DACH1: variants seen among roughly 807,000 people sequenced by gnomAD.
DACH1 encodes dachshund family transcription factor 1.
A neutral mutation model predicts 54.2 loss-of-function variants in DACH1; 12 were observed. The observed-to-expected ratio is 0.22, with a 90% CI of 0.14 to 0.36. The LOEUF is 0.36. DACH1 is among the 10% of genes least tolerant of loss of function. The pLI is 1.00. For missense variants in DACH1, 805 were observed against 929.8 expected, an observed-to-expected ratio of 0.87 and a Z score of 1.75; for synonymous variants, 386 against 366.2, an observed-to-expected ratio of 1.05 and a Z score of -0.62.
chr13:71,551,854 G>C (rs1207368017), intron 6 of DACH1, among the ~76,000 whole-genome samples: 2 of 151,946 alleles, frequency 1.3e-5, no homozygotes, highest in Non-Finnish European at 2.9e-5. Context: ...CTTTAGTGCT[G>C]TGTCCTTCAC....
intron 1 of DACH1, among the ~76,000 whole-genome samples, chr13:71,787,079 C>A (rs565616995): frequency 2.0e-5 from 3 of 152,110 alleles, no homozygotes; most frequent in Non-Finnish European, 2.9e-5. Context: ...TTCTTCAATG[C>A]GAACTACAAG....
At chr13:71,604,991 T>C (rs1031513537) in intron 3 of DACH1, among the ~76,000 whole-genome samples, 1 of 151,920 alleles carries the variant, frequency 6.6e-6, no homozygotes, top group African/African-American at 2.4e-5. Context: ...TCTATAAATG[T>C]ATACATGCAT....
chr13:71,714,329 TAAACAAAACA>T (rs200269145), intron 1 of DACH1, among the ~76,000 whole-genome samples: 32 of 151,724 alleles, frequency 2.1e-4, no homozygotes, highest in African/African-American at 2.7e-4. Context: ...CGGGGACAAT[TAAACAAAACA>T]AAACAAAACA....
intron 6 of DACH1, among the ~76,000 whole-genome samples, chr13:71,531,506 C>T (rs550419087): frequency 6.6e-6 from 1 of 151,866 alleles, no homozygotes; most frequent in Non-Finnish European, 1.5e-5. Flanking sequence ...ACTTTATAAT[C>T]TCATATGAGA....
intron 7 of DACH1, among the ~76,000 whole-genome samples, chr13:71,479,681 A>G (rs1369481151): frequency 1.3e-5 from 2 of 152,170 alleles, no homozygotes; most frequent in East Asian, 3.9e-4. Flanking sequence ...CTCCTCCACA[A>G]GTAATTATCT....
intron 2 of DACH1, among the ~76,000 whole-genome samples, chr13:71,635,436 T>C (rs1877412063): frequency 6.6e-6 from 1 of 152,216 alleles, no homozygotes; most frequent in Non-Finnish European, 1.5e-5. Context: ...ATCTATACAG[T>C]AGCCTTAAAT....
intron 1 of DACH1, among the ~76,000 whole-genome samples, chr13:71,693,736 G>C (rs1399159394): frequency 1.3e-5 from 2 of 152,060 alleles, no homozygotes; most frequent in Non-Finnish European, 2.9e-5. Context: ...TTTTGTTACA[G>C]TGTATGGTTA....
At position 71,866,154 on chromosome 13, in the gene DACH1, A is replaced by C; in HGVS notation, c.616T>G (p.Cys206Gly). The C allele has an allele frequency of 6.2e-7, 1 of 1,613,104 alleles. No individual in the cohort carries two copies. The highest frequency in any genetic ancestry group is 2.2e-5 in the East Asian group (1 of 44,728). ...GCCTGGGGCAGGCAGATCAGCTCGC[A>C]GCCCTCCACCGTGAAGGAAGCCACT... The part of the protein sequence containing the change: ...AKVASFTVEG[C>G]ELICLPQAFD... The change falls in exon 1 of 11, where the codon TGC (cysteine) becomes GGC (glycine). Residue 206 changes from cysteine to glycine, a missense_variant. This residue lies in a region of DACH1 where 305 missense variants were observed against 308.7 expected (regional missense o/e 0.99). Coordinates refer to ENST00000613252, the MANE Select transcript of DACH1 (RefSeq NM_080759.6).
chr13:71,606,478 T>A (rs145579310), intron 3 of DACH1, among the ~76,000 whole-genome samples: 2 of 152,194 alleles, frequency 1.3e-5, no homozygotes, highest in African/African-American at 4.8e-5. Context: ...ATTACTGGTA[T>A]GACAGATATA....
intron 3 of DACH1, among the ~76,000 whole-genome samples, chr13:71,583,271 G>C (rs1244147537): frequency 6.6e-6 from 1 of 152,068 alleles, no homozygotes; most frequent in Non-Finnish European, 1.5e-5. Context: ...AACAACTCAG[G>C]ATGGCATTTA....
chr13:71,506,721 G>T (rs1446938830), intron 6 of DACH1, among the ~76,000 whole-genome samples: 1 of 152,054 alleles, frequency 6.6e-6, no homozygotes, highest in Non-Finnish European at 1.5e-5. Flanking sequence ...TTGATCAATG[G>T]AACAGAACAG....
chr13:71,780,447 C>T (rs1886323775), intron 1 of DACH1, among the ~76,000 whole-genome samples: 1 of 151,934 alleles, frequency 6.6e-6, no homozygotes, highest in African/African-American at 2.4e-5. Context: ...CCTTATAAAA[C>T]ATATCAAATA....
intron 1 of DACH1, among the ~76,000 whole-genome samples, chr13:71,700,587 AGAG>A (rs1882081603): frequency 5.9e-4 from 18 of 30,350 alleles, no homozygotes; most frequent in African/African-American, 9.2e-4. Context: ...AAAAAAAAAG[AGAG>A]AGAGAGAGAG....
chr13:71,789,049 C>A (rs1455743875), intron 1 of DACH1, among the ~76,000 whole-genome samples: 1 of 152,166 alleles, frequency 6.6e-6, no homozygotes, highest in East Asian at 1.9e-4. Flanking sequence ...TCCAAAAAAA[C>A]CAGACTGGAA....
At chr13:71,728,070 C>A (rs1317042952) in intron 1 of DACH1, among the ~76,000 whole-genome samples, 1 of 151,976 alleles carries the variant, frequency 6.6e-6, no homozygotes, top group Non-Finnish European at 1.5e-5. Context: ...ATGAATGTAT[C>A]AGCACTCTCA....
intron 2 of DACH1, among the ~76,000 whole-genome samples, chr13:71,636,866 T>C (rs1439090017): frequency 3.3e-5 from 5 of 152,204 alleles, no homozygotes; most frequent in Admixed American, 6.5e-5. Flanking sequence ...TGGCTTGTCA[T>C]ATTACTATCT....
intron 1 of DACH1, among the ~76,000 whole-genome samples, chr13:71,792,365 CA>C (rs1886868274): frequency 1.3e-5 from 2 of 151,418 alleles, no homozygotes; most frequent in African/African-American, 2.4e-5. Context: ...CACACACACA[CA>C]CACACCCCTG....
At chr13:71,838,959 G>T (rs982602157) in intron 1 of DACH1, among the ~76,000 whole-genome samples, 1 of 152,072 alleles carries the variant, frequency 6.6e-6, no homozygotes, top group African/African-American at 2.4e-5. Flanking sequence ...TCAAATTCCG[G>T]TACAGAATGT....
At chr13:71,513,211 T>C (rs998036699) in intron 6 of DACH1, among the ~76,000 whole-genome samples, 1 of 152,012 alleles carries the variant, frequency 6.6e-6, no homozygotes, top group African/African-American at 2.4e-5. Flanking sequence ...GGGTTAAACA[T>C]GCTCATTGTC....
Sources: gnomAD v4.1 joint callset for allele counts (sites outside exome capture counted in the v4.1 genomes callset) on GRCh38, gnomAD v4.1.1 for gene constraint, gnomAD v4.1.1 regional missense constraint, MANE v1.5 for transcripts, NCBI Gene and HGNC (gene_info 2026-07-23, HGNC 2026-07-21) for gene names.